HTR2C: variants seen among roughly 807,000 people sequenced by gnomAD.
HTR2C encodes the protein 5-hydroxytryptamine receptor 2C.
A neutral mutation model predicts 21.0 loss-of-function variants in HTR2C; 5 were observed. The ratio of observed to expected loss-of-function variants is 0.24; its 90% CI spans 0.12 to 0.50. The LOEUF (loss-of-function observed/expected upper bound fraction) is 0.50, where lower values mean the gene tolerates loss of function less well. HTR2C is among the 20% of genes least tolerant of loss of function. The pLI, the probability that HTR2C is intolerant of heterozygous loss-of-function variation, is 0.98. For synonymous variants in HTR2C, 150 were observed against 145.3 expected, an observed-to-expected ratio of 1.03 and a Z score of -0.23; for missense variants, 271 against 371.2, an observed-to-expected ratio of 0.73 and a Z score of 2.22.
At chrX:114,731,151 T>A in intron 3 of HTR2C, 143 bp from the exon 4 acceptor site, 1 of 440,680 alleles carries the variant, frequency 2.3e-6, no homozygotes, top group Admixed American at 4.3e-5. Flanking sequence ...ATTAAGAGAG[T>A]AGAAATAATG....
intron 2 of HTR2C, among the ~76,000 whole-genome samples, chrX:114,724,919 C>G (rs1347411050): frequency 9.2e-6 from 1 of 108,685 alleles, no homozygotes. Flanking sequence ...TTGAGAGTAA[C>G]CCGACCTTTC....
At chrX:114,714,563 C>T (rs1556419532) in intron 2 of HTR2C, among the ~76,000 whole-genome samples, 2 of 111,910 alleles carry the variant, frequency 1.8e-5, no homozygotes, top group East Asian at 2.8e-4. Flanking sequence ...AAGTCACTTT[C>T]GCATTCCTTT....
chrX:114,873,813 A>C (rs2071110565), intron 5 of HTR2C, among the ~76,000 whole-genome samples: 1 of 111,603 alleles, frequency 9.0e-6, no homozygotes. Context: ...AGAACACTTA[A>C]GATCTACTCT....
chrX:114,641,528 A>T (rs1930121041), intron 2 of HTR2C, among the ~76,000 whole-genome samples: 1 of 111,593 alleles, frequency 9.0e-6, no homozygotes, highest in Non-Finnish European at 1.9e-5. Flanking sequence ...GTAAAAAAAA[A>T]ATCTATGTCT....
rs1281871843 is a variant in HTR2C at position 114,725,989 on chromosome X, A to C, written c.-79-869A>C. On this transcript the variant is annotated intron_variant, in intron 2 of 5. Transcript: ENST00000276198. Reference sequence around the variant, plus strand: ...TTTTGTTTGTCTGTGCCCTGCCCCCAGAGGTGGAGCCTACAGAGGCAGGCA... The same window carrying C: ...TTTTGTTTGTCTGTGCCCTGCCCCCCGAGGTGGAGCCTACAGAGGCAGGCA... Among the ~76,000 whole-genome samples, 384 of 110,610 alleles carry C rather than the reference A, an allele frequency of 3.5e-3. 2 individuals are homozygous for C. The highest frequency in any genetic ancestry group is 0.012 in the African/African-American group (372 of 30,677).
At chrX:114,816,268 A>ATAGATAGG (rs1556454506) in intron 4 of HTR2C, among the ~76,000 whole-genome samples, 7 of 109,071 alleles carry the variant, frequency 6.4e-5, no homozygotes, top group African/African-American at 2.0e-4. Context: ...TAGATAGATG[A>ATAGATAGG]TAGATAGATA....
chrX:114,638,614 C>T (rs1163486897), intron 2 of HTR2C, among the ~76,000 whole-genome samples: 5 of 104,803 alleles, frequency 4.8e-5, no homozygotes, highest in Non-Finnish European at 7.8e-5. Context: ...CATGCTGGTG[C>T]ACTGCACCCA....
chrX:114,617,352 A>G (rs1556400499), intron 2 of HTR2C, among the ~76,000 whole-genome samples: 2 of 111,862 alleles, frequency 1.8e-5, no homozygotes, highest in Non-Finnish European at 1.9e-5. Context: ...AAGTGGGAGA[A>G]TTGCTTGAGC....
chrX:114,745,004 T>C (rs1436532269), intron 4 of HTR2C, among the ~76,000 whole-genome samples: 1 of 111,954 alleles, frequency 8.9e-6, no homozygotes, highest in Non-Finnish European at 1.9e-5. Flanking sequence ...ATAGCTTAAC[T>C]CTCGTTAAAA....
chrX:114,876,582 T>C (rs782138192), intron 5 of HTR2C, among the ~76,000 whole-genome samples: 16 of 109,270 alleles, frequency 1.5e-4, no homozygotes, highest in Middle Eastern at 4.7e-3. Flanking sequence ...TTGACATATA[T>C]AGTCTTTATT....
At chrX:114,621,156 C>T (rs782295230) in intron 2 of HTR2C, among the ~76,000 whole-genome samples, 6 of 112,546 alleles carry the variant, frequency 5.3e-5, no homozygotes, top group Non-Finnish European at 9.4e-5. Context: ...GTTGGAATTA[C>T]AGGCATGAGC....
At chrX:114,798,149 C>T (rs1323340531) in intron 4 of HTR2C, among the ~76,000 whole-genome samples, 1 of 111,335 alleles carries the variant, frequency 9.0e-6, no homozygotes, top group African/African-American at 3.3e-5. Flanking sequence ...CTAGTTTATA[C>T]TCAGAGTCTT....
chrX:114,727,145 G>C (rs1327079203), intron 3 of HTR2C, among the ~76,000 whole-genome samples, 174 bp downstream of exon 3: 2 of 110,913 alleles, frequency 1.8e-5, no homozygotes, highest in Non-Finnish European at 3.8e-5. Flanking sequence ...AATAATTAAT[G>C]GAAAAAAAAA....
intron 2 of HTR2C, among the ~76,000 whole-genome samples, chrX:114,671,194 G>T (rs1556411665): frequency 9.0e-6 from 1 of 111,318 alleles, no homozygotes; most frequent in African/African-American, 3.3e-5. Context: ...TATGACCATT[G>T]GTAAACACAG....
At chrX:114,724,835 A>C (rs1933385251) in intron 2 of HTR2C, among the ~76,000 whole-genome samples, 1 of 102,329 alleles carries the variant, frequency 9.8e-6, no homozygotes, top group Admixed American at 1.1e-4. Context: ...AGAATGTTGA[A>C]TATTGGTCCC....
intron 1 of HTR2C, among the ~76,000 whole-genome samples, chrX:114,594,319 C>G (rs1308972176): frequency 1.8e-5 from 2 of 110,939 alleles, no homozygotes; most frequent in African/African-American, 6.5e-5. Context: ...AATAGGGTTT[C>G]TAGAAGATTT....
At chrX:114,846,389 G>C (rs1428634575) in intron 4 of HTR2C, among the ~76,000 whole-genome samples, 3 of 111,668 alleles carry the variant, frequency 2.7e-5, no homozygotes, top group African/African-American at 9.7e-5. Context: ...GATTAGTATT[G>C]TTTATTAATA....
chrX:114,643,476 AG>A (rs1394062847), intron 2 of HTR2C, among the ~76,000 whole-genome samples: 6 of 111,246 alleles, frequency 5.4e-5, no homozygotes, highest in Non-Finnish European at 1.1e-4. Flanking sequence ...CTTTTTTTCA[AG>A]TGAAAATATG....
chrX:114,889,320 G>C (rs1239927857), intron 5 of HTR2C, among the ~76,000 whole-genome samples: 5 of 111,686 alleles, frequency 4.5e-5, no homozygotes, highest in African/African-American at 1.6e-4. Flanking sequence ...TTGCTGTTGG[G>C]ACACATCTTC....
Sources: allele counts gnomAD v4.1 joint callset (sites outside exome capture counted in the v4.1 genomes callset), GRCh38; gene constraint gnomAD v4.1.1; transcripts MANE v1.5; gene names NCBI Gene and HGNC (gene_info 2026-07-23, HGNC 2026-07-21).